FGGY: variants seen among roughly 807,000 people sequenced by gnomAD.
The protein encoded by FGGY is FGGY carbohydrate kinase domain-containing protein.
FGGY carries 72 observed loss-of-function variants against 71.3 expected under a neutral mutation model. The ratio of observed to expected loss-of-function variants is 1.01; its 90% CI spans 0.84 to 1.23. The LOEUF (loss-of-function observed/expected upper bound fraction) is 1.23, where lower values mean the gene tolerates loss of function less well. FGGY is among the 50% of genes most tolerant of loss of function. The pLI is 0.00. For synonymous variants in FGGY, 251 were observed against 250.3 expected, an observed-to-expected ratio of 1.00 and a Z score of -0.02; for missense variants, 668 against 682.3, an observed-to-expected ratio of 0.98 and a Z score of 0.23.
At chr1:59,394,491 A>G (rs74418252) in intron 5 of FGGY, among the ~76,000 whole-genome samples, 3,221 of 152,160 alleles carry the variant, frequency 0.021, 101 homozygotes, top group African/African-American at 0.074. Flanking sequence ...TCTGCACTTC[A>G]TTGTCTTATT....
intron 1 of FGGY, among the ~76,000 whole-genome samples, chr1:59,305,394 A>G (rs1329815767): frequency 2.6e-5 from 4 of 152,162 alleles, no homozygotes; most frequent in Non-Finnish European, 4.4e-5. Flanking sequence ...TTGCATTACA[A>G]GGATAGTTAC....
At chr1:59,750,783 T>A (rs1264591895) in intron 14 of FGGY, among the ~76,000 whole-genome samples, 1 of 152,180 alleles carries the variant, frequency 6.6e-6, no homozygotes, top group Non-Finnish European at 1.5e-5. Context: ...TTTTCTGTTT[T>A]TCTATGGAGG....
chr1:59,439,694 C>T (rs2069304203), intron 5 of FGGY, among the ~76,000 whole-genome samples: 1 of 152,166 alleles, frequency 6.6e-6, no homozygotes, highest in South Asian at 2.1e-4. Context: ...AAAGCAGCTG[C>T]TTTTAACTGA....
Position 59,688,453 on chromosome 1 carries a change from A to G in FGGY, c.1512+14320A>G, listed in dbSNP as rs547846978. 3.6e-3 allele frequency among the ~76,000 whole-genome samples: 555 copies of G among 152,324 alleles called. 1 individual carries two copies. Among genetic ancestry groups the G allele is most frequent in the African/African-American group, 0.013 (542 of 41,572 alleles). ...TCAGTTTCAAAGCAGATAGTAAGAA[A>G]ACTACATACATAATTCATATTGCCC... On this transcript the variant is annotated intron_variant, in intron 14 of 15. Transcript: ENST00000303721.
chr1:59,315,071 A>C (rs2045170480), intron 1 of FGGY, among the ~76,000 whole-genome samples: 1 of 152,140 alleles, frequency 6.6e-6, no homozygotes, highest in East Asian at 1.9e-4. Context: ...TGGTGACAGG[A>C]AACATTCCAG....
rs962790600 is a variant in FGGY, at chr1:59,488,553, A to G, written c.671-23758A>G. Among the ~76,000 whole-genome samples, 32 of 148,264 alleles carry G rather than the reference A, an allele frequency of 2.2e-4. 1 individual carries two copies. The highest frequency in any genetic ancestry group is 7.5e-4 in the Admixed American group (11 of 14,750). ...TAAATATGTATTATGTATATATTAT[A>G]TATATTATATGTATCTATAATAAAA... On this transcript the variant is annotated intron_variant, in intron 6 of 15. Coordinates refer to ENST00000303721, the MANE Select transcript of FGGY (RefSeq NM_018291.5).
intron 4 of FGGY, among the ~76,000 whole-genome samples, chr1:59,366,557 G>A (rs1460666087): frequency 1.3e-5 from 2 of 152,074 alleles, no homozygotes; most frequent in African/African-American, 4.8e-5. Context: ...TTATGAGGCT[G>A]ACTCATCAAA....
intron 7 of FGGY, among the ~76,000 whole-genome samples, chr1:59,523,027 T>C (rs1020407702): frequency 6.6e-6 from 1 of 152,228 alleles, no homozygotes; most frequent in South Asian, 2.1e-4. Flanking sequence ...TATTAGTATA[T>C]GGCCGAGAAA....
intron 5 of FGGY, among the ~76,000 whole-genome samples, chr1:59,429,249 G>GTT (rs72303962): frequency 7.4e-5 from 11 of 149,262 alleles, no homozygotes; most frequent in Non-Finnish European, 1.0e-4. Flanking sequence ...AATAATTCTG[G>GTT]TTTTTTTTTT....
chr1:59,547,155 A>G (rs1247396131), intron 7 of FGGY, among the ~76,000 whole-genome samples: 1 of 148,696 alleles, frequency 6.7e-6, no homozygotes, highest in Non-Finnish European at 1.5e-5. Context: ...GTTTCACCAT[A>G]TTAGCCAGGC....
chr1:59,521,186 G>A (rs993692343), intron 7 of FGGY, among the ~76,000 whole-genome samples: 5 of 152,198 alleles, frequency 3.3e-5, no homozygotes, highest in Non-Finnish European at 4.4e-5. Flanking sequence ...TCATGGGATT[G>A]CAAGTTTATT....
rs142031424 is a variant in FGGY, at chr1:59,439,119, T to G, written c.555-17842T>G. Among the ~76,000 whole-genome samples the G allele has an allele frequency of 2.9e-3, 446 of 152,312 alleles. 3 individuals carry two copies. The highest frequency in any genetic ancestry group is 0.01 in the African/African-American group (422 of 41,564). On this transcript the variant is annotated intron_variant, in intron 5 of 15. Transcript: ENST00000303721. Reference sequence around the variant, plus strand: ...TAATTCTTTAATGTTACTTATTATATTTCAGCTACACTGCAGTAATGGATG... The same window carrying G: ...TAATTCTTTAATGTTACTTATTATAGTTCAGCTACACTGCAGTAATGGATG...
Position 59,519,671 on chromosome 1 carries a change from A to G in FGGY, c.799+7232A>G, listed in dbSNP as rs867992199. Among the ~76,000 whole-genome samples, 10 of 152,302 alleles carry G rather than the reference A, an allele frequency of 6.6e-5. No homozygotes were observed. In the Middle Eastern group the frequency reaches 0.014, roughly 207 times the overall value. On this transcript the variant is annotated intron_variant, in intron 7 of 15. Transcript: ENST00000303721. The stretch of plus-strand genomic sequence containing the variant: ...AACCACCACTCTGACTGGTACTACT[A>G]TGATGACCATTTCTTACATGTGTCC...
intron 5 of FGGY, among the ~76,000 whole-genome samples, chr1:59,421,582 C>T (rs912914955): frequency 6.6e-6 from 1 of 151,016 alleles, no homozygotes; most frequent in Non-Finnish European, 1.5e-5. Flanking sequence ...CCTCCTTTCT[C>T]CCCCACTGCC....
chr1:59,345,082 A>G (rs2051539926), intron 3 of FGGY, among the ~76,000 whole-genome samples: 1 of 152,142 alleles, frequency 6.6e-6, no homozygotes. Flanking sequence ...TCATTGAAAA[A>G]CAGGGGTTAA....
chr1:59,558,482 T>C (rs1202830394), intron 8 of FGGY, among the ~76,000 whole-genome samples: 1 of 152,056 alleles, frequency 6.6e-6, no homozygotes, highest in Non-Finnish European at 1.5e-5. Flanking sequence ...GCAAGTTTTA[T>C]TAAGGATTTC....
At chr1:59,297,650 C>T (rs898265174) in intron 1 of FGGY, among the ~76,000 whole-genome samples, 2 of 151,768 alleles carry the variant, frequency 1.3e-5, no homozygotes, top group Non-Finnish European at 2.9e-5. Flanking sequence ...GTGAAACCCC[C>T]GTCTCTACTA....
At chr1:59,651,640 G>T (rs1485493591) in intron 11 of FGGY, among the ~76,000 whole-genome samples, 3 of 150,662 alleles carry the variant, frequency 2.0e-5, no homozygotes, top group Non-Finnish European at 4.4e-5. Context: ...TTGAGCCTAT[G>T]TGTATCTCTG....
intron 7 of FGGY, among the ~76,000 whole-genome samples, chr1:59,542,556 T>G (rs1356847623): frequency 7.3e-6 from 1 of 137,898 alleles, no homozygotes; most frequent in Non-Finnish European, 1.5e-5. Context: ...GCCTCCCGGG[T>G]TCAAGCATTT....
Sources: allele counts gnomAD v4.1 joint callset (sites outside exome capture counted in the v4.1 genomes callset), GRCh38; gene constraint gnomAD v4.1.1; transcripts MANE v1.5; gene names NCBI Gene and HGNC (gene_info 2026-07-23, HGNC 2026-07-21).